The following SMYD3 variants were observed in gnomAD, a reference collection of about 807,000 sequenced individuals.
SMYD3 encodes SET and MYND domain containing 3.
A neutral mutation model predicts 57.7 loss-of-function variants in SMYD3; 36 were observed. The ratio of observed to expected loss-of-function variants is 0.62; its 90% CI spans 0.48 to 0.82. The LOEUF (loss-of-function observed/expected upper bound fraction) is 0.82. SMYD3 is among the 40% of genes least tolerant of loss of function. The pLI, the probability that SMYD3 is intolerant of heterozygous loss-of-function variation, is 0.00. For synonymous variants in SMYD3, 211 were observed against 195.0 expected (o/e 1.08, Z -0.68); for missense variants, 515 against 538.8 (o/e 0.96, Z 0.44).
intron 10 of SMYD3, among the ~76,000 whole-genome samples, chr1:245,817,666 G>A (rs2048929369): frequency 6.6e-6 from 1 of 151,574 alleles, no homozygotes; most frequent in Non-Finnish European, 1.5e-5. Context: ...TTAGAAGAAT[G>A]TATAACTAGA....
chr1:246,192,536 G>A (rs913743456), intron 5 of SMYD3, among the ~76,000 whole-genome samples: 21 of 152,226 alleles, frequency 1.4e-4, no homozygotes, highest in African/African-American at 4.6e-4. Flanking sequence ...AATTACAGGC[G>A]TGAGCCACTG....
At chr1:246,053,786 TG>T (rs1038529078) in intron 5 of SMYD3, among the ~76,000 whole-genome samples, 2 of 148,330 alleles carry the variant, frequency 1.3e-5, no homozygotes, top group African/African-American at 5.0e-5. Context: ...CCGATCTCTA[TG>T]GAAAAAAAAA....
In SMYD3 at chr1:246,441,824, C is replaced by G. The variant is rs552838333; in HGVS notation, c.164+65230G>C. 1.2e-4 allele frequency among the ~76,000 whole-genome samples: 18 copies of G among 152,338 alleles called. No individual in the cohort carries two copies. In the South Asian group the frequency reaches 3.7e-3, roughly 32 times the overall value. On this transcript the variant is annotated intron_variant, in intron 1 of 11. Coordinates refer to ENST00000490107, the MANE Select transcript of SMYD3 (RefSeq NM_001167740.2). ...ATGAGGTTTCACCATGCTGGCCAGG[C>G]TGGTCTGCAACTCCTGGCCTCAAGT...
chr1:245,948,511 C>T lies in SMYD3; in HGVS notation c.532-18574G>A, dbSNP rs141043976. On this transcript the variant is annotated intron_variant, in intron 5 of 11. Coordinates refer to ENST00000490107, the MANE Select transcript of SMYD3 (RefSeq NM_001167740.2). ...GTCCTTAGACTAACAGAGTGCTGCC[C>T]GGGGACCACGCTGTGGCACTGCTCC... Among the ~76,000 whole-genome samples the T allele has an allele frequency of 4.0e-3, 606 of 152,258 alleles. 4 individuals are homozygous for T. The highest frequency in any genetic ancestry group is 0.014 in the African/African-American group (579 of 41,548).
chr1:246,072,042 CTGTGCTCACTGTGGA>C (rs1197905494), intron 5 of SMYD3, among the ~76,000 whole-genome samples: 4 of 40,172 alleles, frequency 1.0e-4, no homozygotes, highest in Admixed American at 2.9e-4. Flanking sequence ...GTGCTTTCCG[CTGTGCTCACTGTGGA>C]TGCATCGTGT....
At chr1:246,240,376 G>A (rs1015090389) in intron 5 of SMYD3, among the ~76,000 whole-genome samples, 3 of 152,110 alleles carry the variant, frequency 2.0e-5, no homozygotes, top group Admixed American at 2.0e-4. Flanking sequence ...GTTTTTGTCA[G>A]GTGTGTCAAA....
intron 1 of SMYD3, among the ~76,000 whole-genome samples, chr1:246,485,588 C>T (rs193109119): frequency 7.7e-4 from 115 of 149,566 alleles, no homozygotes; most frequent in African/African-American, 2.4e-3. Flanking sequence ...TCAAGCCCAG[C>T]CTGGGCAATA....
chr1:246,033,748 C>T (rs951840802), intron 5 of SMYD3, among the ~76,000 whole-genome samples: 2 of 152,254 alleles, frequency 1.3e-5, no homozygotes, highest in African/African-American at 4.8e-5. Flanking sequence ...GATCACGCTA[C>T]CGCACTCCAG....
At chr1:245,809,606 G>T (rs910155233) in intron 10 of SMYD3, among the ~76,000 whole-genome samples, 2 of 152,248 alleles carry the variant, frequency 1.3e-5, no homozygotes, top group African/African-American at 2.4e-5. Context: ...CGTCAGGAAG[G>T]CATTGTTTAG....
intron 5 of SMYD3, among the ~76,000 whole-genome samples, chr1:246,313,713 A>C (rs561190812): frequency 1.1e-4 from 16 of 152,368 alleles, no homozygotes; most frequent in African/African-American, 3.6e-4. Context: ...CTATGTCATT[A>C]ATATCAAGTA....
At chr1:246,352,616 C>T (rs1403448243) in intron 2 of SMYD3, among the ~76,000 whole-genome samples, 1 of 152,192 alleles carries the variant, frequency 6.6e-6, no homozygotes, top group Admixed American at 6.5e-5. Context: ...TAGCTGTTTT[C>T]CTGTTACCTT....
At chr1:246,095,471 G>A (rs1347916484) in intron 5 of SMYD3, among the ~76,000 whole-genome samples, 1 of 152,180 alleles carries the variant, frequency 6.6e-6, no homozygotes, top group Non-Finnish European at 1.5e-5. Context: ...AAGCTTCTTT[G>A]GGAGCACAGA....
At chr1:246,340,245 T>G (rs1170211790) in intron 2 of SMYD3, among the ~76,000 whole-genome samples, 1 of 151,538 alleles carries the variant, frequency 6.6e-6, no homozygotes, top group Non-Finnish European at 1.5e-5. Context: ...ATATATTCAA[T>G]TACATAACAA....
At chr1:246,291,346 TTGC>T (rs2064686483) in intron 5 of SMYD3, among the ~76,000 whole-genome samples, 1 of 152,228 alleles carries the variant, frequency 6.6e-6, no homozygotes, top group Non-Finnish European at 1.5e-5. Flanking sequence ...AAAGTATAAT[TTGC>T]TGCTGGCTTT....
At chr1:245,999,873 G>T (rs2059005992) in intron 5 of SMYD3, among the ~76,000 whole-genome samples, 1 of 152,176 alleles carries the variant, frequency 6.6e-6, no homozygotes, top group Non-Finnish European at 1.5e-5. Context: ...CTGGCTCAAT[G>T]ACTTACTTTG....
intron 1 of SMYD3, among the ~76,000 whole-genome samples, chr1:246,481,119 T>C (rs1412404771): frequency 6.6e-6 from 1 of 152,154 alleles, no homozygotes; most frequent in Non-Finnish European, 1.5e-5. Flanking sequence ...TCTCAAGTTC[T>C]ATAATAACTA....
chr1:245,846,584 T>C (rs1225929365), intron 10 of SMYD3, among the ~76,000 whole-genome samples: 1 of 152,238 alleles, frequency 6.6e-6, no homozygotes, highest in Non-Finnish European at 1.5e-5. Context: ...TGCAAGTTAC[T>C]AAGTCTCAGC....
intron 1 of SMYD3, among the ~76,000 whole-genome samples, chr1:246,419,016 ACC>A (rs143316117): frequency 0.033 from 5,083 of 151,880 alleles, 117 homozygotes; most frequent in South Asian, 0.052. Context: ...TTGTGACAAT[ACC>A]CCCTCCCCGC....
chr1:246,192,367 G>A (rs145323385), intron 5 of SMYD3, among the ~76,000 whole-genome samples: 65 of 152,284 alleles, frequency 4.3e-4, no homozygotes, highest in African/African-American at 1.5e-3. Context: ...CTGCAACTTT[G>A]GAACCCAGCA....
Sources: gnomAD v4.1 joint callset for allele counts (sites outside exome capture counted in the v4.1 genomes callset) on GRCh38, gnomAD v4.1.1 for gene constraint, MANE v1.5 for transcripts, NCBI Gene and HGNC (gene_info 2026-07-23, HGNC 2026-07-21) for gene names.